DCC: variants seen among roughly 807,000 people sequenced by gnomAD.
DCC encodes DCC netrin 1 receptor, also known as netrin receptor DCC.
Under a neutral mutation model 172.5 loss-of-function variants are expected in DCC, and 58 were observed. That is an observed-to-expected ratio of 0.34 (90% CI 0.27 to 0.42). The LOEUF (loss-of-function observed/expected upper bound fraction) is 0.42. Ranked by LOEUF, DCC falls within the 10% of genes least tolerant of loss-of-function variation. The probability of loss-of-function intolerance (pLI) is 1.00; values close to 1 mark genes in which losing one functional copy is unlikely to be tolerated. For missense variants in DCC, 1,740 were observed against 1,791.0 expected (o/e 0.97, Z 0.51); for synonymous variants, 709 against 644.5 (o/e 1.10, Z -1.52).
intron 5 of DCC, among the ~76,000 whole-genome samples, chr18:52,954,590 T>G (rs2145555624): frequency 1.3e-5 from 2 of 152,184 alleles, no homozygotes; most frequent in East Asian, 3.9e-4. Flanking sequence ...GGTCTTATGG[T>G]TCTGCAAGGA....
chr18:53,048,111 T>C (rs72915227), intron 5 of DCC, among the ~76,000 whole-genome samples: 18,975 of 152,000 alleles, frequency 0.12, 1,335 homozygotes, highest in Non-Finnish European at 0.16. Flanking sequence ...GAGTCTCTAT[T>C]TGTTGATGTT....
At chr18:52,578,185 A>G (rs1460483006) in intron 1 of DCC, among the ~76,000 whole-genome samples, 2 of 152,192 alleles carry the variant, frequency 1.3e-5, no homozygotes, top group East Asian at 3.9e-4. Flanking sequence ...TCCAGATTTA[A>G]TCTTAGACAG....
At chr18:53,437,895 A>G (rs1259131396) in intron 22 of DCC, among the ~76,000 whole-genome samples, 1 of 152,208 alleles carries the variant, frequency 6.6e-6, no homozygotes, top group African/African-American at 2.4e-5. Context: ...GGACCAATAC[A>G]CCAAGAGGGT....
chr18:53,449,898 C>T (rs1035032082), intron 22 of DCC, among the ~76,000 whole-genome samples: 26 of 152,064 alleles, frequency 1.7e-4, no homozygotes, highest in African/African-American at 6.3e-4. Flanking sequence ...AGCTATCCCT[C>T]CCCATTCACC....
chr18:53,287,237 A>G lies in DCC; in HGVS notation c.1912-18341A>G, dbSNP rs185926632. On this transcript the variant is annotated intron_variant, in intron 12 of 28. Transcript: ENST00000442544. ...TTTTACATAAATGGAATTATACACT[A>G]TGTGGTCTTTCATGAGTGGCTTTCA... Among the ~76,000 whole-genome samples, 294 of 152,284 alleles carry G rather than the reference A, an allele frequency of 1.9e-3. 1 individual carries two copies. Among genetic ancestry groups the G allele is most frequent in the African/African-American group, 6.6e-3 (274 of 41,566 alleles).
chr18:53,028,813 G>A (rs775874941), intron 5 of DCC, among the ~76,000 whole-genome samples: 2 of 152,094 alleles, frequency 1.3e-5, no homozygotes, highest in Admixed American at 6.6e-5. Flanking sequence ...GACCATGAAG[G>A]AAACAATTAG....
At chr18:53,133,991 T>C (rs2043699112) in intron 7 of DCC, among the ~76,000 whole-genome samples, 1 of 152,168 alleles carries the variant, frequency 6.6e-6, no homozygotes, top group Admixed American at 6.6e-5. Context: ...GAGACTATTT[T>C]TATGGAGTAC....
chr18:52,810,452 C>T (rs1220102313), intron 2 of DCC, among the ~76,000 whole-genome samples: 1 of 152,114 alleles, frequency 6.6e-6, no homozygotes, highest in Non-Finnish European at 1.5e-5. Flanking sequence ...TGTACCATGC[C>T]CAAGAACAAT....
chr18:52,895,792 T>TG (rs2039719908), intron 2 of DCC, among the ~76,000 whole-genome samples: 1 of 152,196 alleles, frequency 6.6e-6, no homozygotes, highest in Non-Finnish European at 1.5e-5. Context: ...ATTGGTTTTT[T>TG]TGTTTGTTTT....
intron 1 of DCC, 27 bp from the exon 2 acceptor site, chr18:52,752,027 A>T (rs1231038583): frequency 1.9e-6 from 3 of 1,592,370 alleles, no homozygotes; most frequent in Non-Finnish European, 2.6e-6. Flanking sequence ...ATACATGAAC[A>T]TATTTCCCTG....
chr18:52,405,811 G>GA (rs1341217466), intron 1 of DCC, among the ~76,000 whole-genome samples: 16 of 150,910 alleles, frequency 1.1e-4, no homozygotes, highest in South Asian at 6.3e-4. Flanking sequence ...CACAGAATTG[G>GA]AAAAAACTAC....
chr18:52,962,115 A>C (rs1176231812), intron 5 of DCC, among the ~76,000 whole-genome samples: 3 of 150,000 alleles, frequency 2.0e-5, no homozygotes, highest in African/African-American at 7.3e-5. Context: ...AATGGGATCT[A>C]ATTAAACTAA....
At chr18:53,172,688 A>G (rs1316447702) in intron 8 of DCC, among the ~76,000 whole-genome samples, 1 of 152,130 alleles carries the variant, frequency 6.6e-6, no homozygotes, top group Non-Finnish European at 1.5e-5. Context: ...ATGCTTTGAA[A>G]TGATTCACAG....
At chr18:53,053,928 A>G (rs373964427) in intron 5 of DCC, among the ~76,000 whole-genome samples, 1 of 152,140 alleles carries the variant, frequency 6.6e-6, no homozygotes, top group Non-Finnish European at 1.5e-5. Flanking sequence ...GTGTGAGTCT[A>G]TGTGTGTGCA....
At chr18:53,082,079 GCAGCAGTAATGGAAATTTTATTT>G (rs1399636857) in intron 7 of DCC, among the ~76,000 whole-genome samples, 1 of 152,086 alleles carries the variant, frequency 6.6e-6, no homozygotes, top group Non-Finnish European at 1.5e-5. Context: ...TGGTCCCCAT[GCAGCAGTAATGGAAATTTTATTT>G]CAGCATAAGC....
intron 5 of DCC, among the ~76,000 whole-genome samples, chr18:53,058,925 C>T (rs996876678): frequency 1.3e-5 from 2 of 152,054 alleles, no homozygotes; most frequent in African/African-American, 2.4e-5. Context: ...CTGTATTAGT[C>T]CATTCTCATG....
Position 53,062,200 on chromosome 18 carries a change from G to C in DCC, c.986-1105G>C, listed in dbSNP as rs77781887. Among the ~76,000 whole-genome samples the C allele has an allele frequency of 9.0e-4, 137 of 152,168 alleles. 3 individuals carry two copies. In the East Asian group the frequency reaches 0.023, roughly 25 times the overall value. ...GGAAAAATCAGGACTTAAATCCTGA[G>C]AGTTTTTACCAGCTCTTTTATTTTT... On this transcript the variant is annotated intron_variant, in intron 5 of 28. Transcript: ENST00000442544.
chr18:53,089,749 A>C (rs56229265), intron 7 of DCC, among the ~76,000 whole-genome samples: 2 of 152,042 alleles, frequency 1.3e-5, no homozygotes, highest in Non-Finnish European at 2.9e-5. Context: ...CTAACTTTCT[A>C]AGTGCTTTGA....
At chr18:52,485,603 A>G (rs1369135229) in intron 1 of DCC, among the ~76,000 whole-genome samples, 1 of 152,098 alleles carries the variant, frequency 6.6e-6, no homozygotes, top group Admixed American at 6.6e-5. Context: ...AATACAGGAG[A>G]GCAAATGGCA....
Sources: allele counts gnomAD v4.1 joint callset (sites outside exome capture counted in the v4.1 genomes callset), GRCh38; gene constraint gnomAD v4.1.1; transcripts MANE v1.5; gene names NCBI Gene and HGNC (gene_info 2026-07-23, HGNC 2026-07-21).